CACHD1: variants seen among roughly 807,000 people sequenced by gnomAD.
The protein encoded by CACHD1 is cache domain containing 1.
A neutral mutation model predicts 138.7 loss-of-function variants in CACHD1; 71 were observed. The observed-to-expected ratio is 0.51, with a 90% confidence interval of 0.42 to 0.62. The LOEUF is 0.62. Among genes scored for constraint, CACHD1 ranks in the 20% least tolerant of loss-of-function variants. The probability of loss-of-function intolerance (pLI) is 0.00; values close to 1 mark genes in which losing one functional copy is unlikely to be tolerated. For synonymous variants in CACHD1, 578 were observed against 591.5 expected (o/e 0.98, Z 0.33); for missense variants, 1,389 against 1,625.3 (o/e 0.85, Z 2.50).
rs190850659 is a variant in CACHD1, at chr1:64,490,577, A to T, written c.198+19635A>T. Among the ~76,000 whole-genome samples the T allele has an allele frequency of 4.6e-3, 694 of 152,318 alleles. 2 individuals carry two copies. Among genetic ancestry groups the T allele is most frequent in the South Asian group, 8.3e-3 (40 of 4,824 alleles). ...CTCAGAAGATGTGTGTACCCTTCAG[A>T]CATCTGAGGGGAGAGAATGTACTTT... On this transcript the variant is annotated intron_variant, in intron 1 of 26. Transcript: ENST00000651257.
chr1:64,678,554 C>A (rs1650070158), intron 23 of CACHD1, among the ~76,000 whole-genome samples: 1 of 152,284 alleles, frequency 6.6e-6, no homozygotes, highest in Non-Finnish European at 1.5e-5. Context: ...AAAGCTTGTT[C>A]TGATAAATAT....
At chr1:64,549,508 C>T (rs1016219125) in intron 1 of CACHD1, among the ~76,000 whole-genome samples, 8 of 152,162 alleles carry the variant, frequency 5.3e-5, no homozygotes, top group African/African-American at 1.2e-4. Context: ...CTCCACCCCC[C>T]GACCAAACCT....
intron 1 of CACHD1, among the ~76,000 whole-genome samples, chr1:64,509,876 T>C (rs1646406330): frequency 6.6e-6 from 1 of 152,244 alleles, no homozygotes; most frequent in African/African-American, 2.4e-5. Context: ...ACGATTACTG[T>C]TAAGATTTTT....
At position 64,505,394 on chromosome 1, in the gene CACHD1, G is replaced by A. The variant is rs535787874; in HGVS notation, c.198+34452G>A. On this transcript the variant is annotated intron_variant, in intron 1 of 26. Coordinates refer to ENST00000651257, the MANE Select transcript of CACHD1 (RefSeq NM_020925.4). The stretch of plus-strand genomic sequence containing the variant: ...CTGCGAGGTCTGGAGGGGAGGGGAG[G>A]GGAGGGGACATTCCTCCTGCTGCAC... Among the ~76,000 whole-genome samples the A allele has an allele frequency of 8.5e-4, 129 of 152,194 alleles. 1 individual carries two copies. The highest frequency in any genetic ancestry group is 3.1e-3 in the African/African-American group (128 of 41,516).
intron 4 of CACHD1, among the ~76,000 whole-genome samples, chr1:64,609,821 T>C (rs953391337): frequency 2.6e-5 from 4 of 152,180 alleles, no homozygotes; most frequent in African/African-American, 9.7e-5. Context: ...AAACAAATCT[T>C]AATTTGTTTA....
intron 1 of CACHD1, among the ~76,000 whole-genome samples, chr1:64,499,763 T>C (rs1177220856): frequency 6.6e-6 from 1 of 152,216 alleles, no homozygotes; most frequent in African/African-American, 2.4e-5. Flanking sequence ...TTACAGTAGT[T>C]GTTAGACCCA....
At chr1:64,595,500 G>C (rs1347474920) in intron 3 of CACHD1, among the ~76,000 whole-genome samples, 1 of 152,138 alleles carries the variant, frequency 6.6e-6, no homozygotes, top group East Asian at 1.9e-4. Context: ...GGGGTGCTAT[G>C]GAACATCACA....
chr1:64,606,544 C>G (rs1211398358), intron 4 of CACHD1, among the ~76,000 whole-genome samples: 1 of 152,090 alleles, frequency 6.6e-6, no homozygotes, highest in Non-Finnish European at 1.5e-5. Context: ...AGCTTTTGCT[C>G]TGAATGAGAT....
chr1:64,640,446 C>CG (rs1261502130), intron 7 of CACHD1, among the ~76,000 whole-genome samples: 1 of 152,048 alleles, frequency 6.6e-6, no homozygotes, highest in Non-Finnish European at 1.5e-5. Flanking sequence ...GAGGCCAAGG[C>CG]GGGCAGATCA....
chr1:64,683,761 C>T (rs1048364215), intron 26 of CACHD1, among the ~76,000 whole-genome samples: 2 of 152,178 alleles, frequency 1.3e-5, no homozygotes, highest in African/African-American at 4.8e-5. Context: ...AAGGCATTGA[C>T]ACTCCCCATA....
At chr1:64,642,819 C>G (rs1648762349) in intron 8 of CACHD1, among the ~76,000 whole-genome samples, 1 of 148,358 alleles carries the variant, frequency 6.7e-6, no homozygotes, top group Non-Finnish European at 1.5e-5. Context: ...TCTCGGTGGG[C>G]TGATCACGAG....
chr1:64,569,853 C>T (rs1240554800), intron 2 of CACHD1, among the ~76,000 whole-genome samples: 6 of 152,076 alleles, frequency 3.9e-5, no homozygotes, highest in Non-Finnish European at 8.8e-5. Context: ...ATTTTAAAGG[C>T]CAGCAAGCCT....
chr1:64,648,372 C>G (rs924984735), intron 9 of CACHD1, among the ~76,000 whole-genome samples: 2 of 152,198 alleles, frequency 1.3e-5, no homozygotes, highest in Non-Finnish European at 2.9e-5. Context: ...GTGGCATCAT[C>G]GCACAAACAT....
intron 22 of CACHD1, among the ~76,000 whole-genome samples, chr1:64,677,796 T>TCACAC (rs1650045634): frequency 6.6e-6 from 1 of 152,150 alleles, no homozygotes; most frequent in Admixed American, 6.5e-5. Flanking sequence ...GACTTTTTTT[T>TCACAC]TTATTTTTTT....
At chr1:64,588,100 A>G (rs573712749) in intron 3 of CACHD1, among the ~76,000 whole-genome samples, 6 of 152,048 alleles carry the variant, frequency 3.9e-5, no homozygotes, top group African/African-American at 1.4e-4. Flanking sequence ...TACCCAACCT[A>G]TTTTCCTGAT....
chr1:64,655,826 C>T (rs1364911956), intron 12 of CACHD1, among the ~76,000 whole-genome samples: 3 of 152,186 alleles, frequency 2.0e-5, no homozygotes, highest in Non-Finnish European at 2.9e-5. Context: ...AAATTTTAAT[C>T]GCTGAACATA....
intron 2 of CACHD1, among the ~76,000 whole-genome samples, chr1:64,579,490 T>C (rs1646994834): frequency 6.6e-6 from 1 of 152,208 alleles, no homozygotes; most frequent in East Asian, 1.9e-4. Flanking sequence ...TAATTACATC[T>C]TATGTTCATT....
intron 1 of CACHD1, among the ~76,000 whole-genome samples, chr1:64,477,666 C>T (rs1375761533): frequency 8.2e-5 from 12 of 146,364 alleles, no homozygotes; most frequent in African/African-American, 2.3e-4. Context: ...CTCGCTCTGT[C>T]GCCCAGGCCG....
chr1:64,582,242 T>C lies in CACHD1; in HGVS notation c.348T>C (p.Ala116=). Residue 116 remains alanine (A), a synonymous_variant, in exon 3 of 27, where the codon GCT becomes GCC. Coordinates refer to ENST00000651257, the MANE Select transcript of CACHD1 (RefSeq NM_020925.4). ...NKQVVEASYT[A]HLTSPLTAIQ... is the part of the protein sequence containing the mutation. ...AAGTTGTAGAAGCATCCTATACGGC[T>C]CACCTAACCTCTCCCCTAACTGCAA... is the stretch of plus-strand genomic sequence containing the variant. The C allele has an allele frequency of 1.2e-6, 2 of 1,614,024 alleles. No individual in the cohort carries two copies. The highest frequency in any genetic ancestry group is 8.5e-7 in the Non-Finnish European group (1 of 1,179,894).
Sources: gnomAD v4.1 joint callset for allele counts (sites outside exome capture counted in the v4.1 genomes callset) on GRCh38, gnomAD v4.1.1 for gene constraint, MANE v1.5 for transcripts, NCBI Gene and HGNC (gene_info 2026-07-23, HGNC 2026-07-21) for gene names.